The following SGMS2 variants were observed in gnomAD, a reference collection of about 807,000 sequenced individuals.
The protein encoded by SGMS2 is sphingomyelin synthase 2.
Under a neutral mutation model 43.8 loss-of-function variants are expected in SGMS2, and 21 were observed. The ratio of observed to expected loss-of-function variants is 0.48; its 90% CI spans 0.34 to 0.69. SGMS2 has a LOEUF of 0.69. SGMS2 is among the 30% of genes least tolerant of loss of function. SGMS2 has a pLI of 0.01. For missense variants in SGMS2, 384 were observed against 443.2 expected (o/e 0.87, Z 1.20); for synonymous variants, 167 against 160.6 (o/e 1.04, Z -0.30).
chr4:107,856,578 G>C (rs1021170276), intron 1 of SGMS2, among the ~76,000 whole-genome samples: 13 of 152,224 alleles, frequency 8.5e-5, no homozygotes, highest in African/African-American at 2.4e-4. Flanking sequence ...CGTGGAGTGA[G>C]TGGGGATGGT....
At chr4:107,877,919 T>C (rs199981394) in intron 2 of SGMS2, among the ~76,000 whole-genome samples, 15 of 133,586 alleles carry the variant, frequency 1.1e-4, no homozygotes, top group East Asian at 9.8e-4. Flanking sequence ...TTTTCTTTTT[T>C]TTTTTTTTTT....
chr4:107,903,000 C>T (rs2126142111), intron 4 of SGMS2, among the ~76,000 whole-genome samples: 1 of 152,054 alleles, frequency 6.6e-6, no homozygotes, highest in East Asian at 1.9e-4. Flanking sequence ...GACACACCAC[C>T]ACCAAGACAT....
chr4:107,907,664 A>C (rs1279900755), intron 5 of SGMS2, among the ~76,000 whole-genome samples: 1 of 152,222 alleles, frequency 6.6e-6, no homozygotes, highest in Non-Finnish European at 1.5e-5. Context: ...TTTGCTATTC[A>C]ATCATCTTTC....
intron 1 of SGMS2, among the ~76,000 whole-genome samples, chr4:107,831,938 C>G (rs758026564): frequency 2.0e-5 from 3 of 152,172 alleles, no homozygotes; most frequent in Non-Finnish European, 2.9e-5. Context: ...CTGTCCCTCA[C>G]AGAGCTTAGG....
At chr4:107,885,313 A>G (rs958153727) in intron 2 of SGMS2, among the ~76,000 whole-genome samples, 13 of 152,186 alleles carry the variant, frequency 8.5e-5, no homozygotes, top group Non-Finnish European at 1.6e-4. Flanking sequence ...ATACATCACA[A>G]ACATGTTTAA....
At chr4:107,857,780 G>T (rs1727506769) in intron 1 of SGMS2, among the ~76,000 whole-genome samples, 1 of 152,172 alleles carries the variant, frequency 6.6e-6, no homozygotes, top group Non-Finnish European at 1.5e-5. Context: ...ATTATGCACA[G>T]CACATCAACC....
At chr4:107,867,397 T>A (rs1464742116) in intron 2 of SGMS2, 2 of 152,158 alleles carry the variant, frequency 1.3e-5, no homozygotes, top group African/African-American at 2.4e-5. Context: ...GAGGAAGCAG[T>A]GGGGAGATGT....
chr4:107,829,815 T>A (rs1038323227), intron 1 of SGMS2, among the ~76,000 whole-genome samples: 53 of 150,142 alleles, frequency 3.5e-4, no homozygotes, highest in Non-Finnish European at 6.5e-4. Context: ...ACTCAAGCGA[T>A]CCTCCCACCT....
chr4:107,848,146 T>G (rs1726939094), intron 1 of SGMS2, among the ~76,000 whole-genome samples: 1 of 152,218 alleles, frequency 6.6e-6, no homozygotes, highest in African/African-American at 2.4e-5. Context: ...TTCTAGAATT[T>G]CATGTAGTTG....
At chr4:107,836,393 CT>C (rs946732127) in intron 1 of SGMS2, among the ~76,000 whole-genome samples, 1 of 152,192 alleles carries the variant, frequency 6.6e-6, no homozygotes, top group Non-Finnish European at 1.5e-5. Flanking sequence ...GTTCCAGTGT[CT>C]TTTGCAAGTA....
chr4:107,906,896 C>A (rs1353817259), intron 5 of SGMS2, among the ~76,000 whole-genome samples: 4 of 152,114 alleles, frequency 2.6e-5, no homozygotes, highest in Non-Finnish European at 5.9e-5. Context: ...AGGTAAATCC[C>A]AGATGACCTG....
At chr4:107,842,947 A>G (rs6841075) in intron 1 of SGMS2, among the ~76,000 whole-genome samples, 76,197 of 151,548 alleles carry the variant, frequency 0.5, 20,262 homozygotes, top group African/African-American at 0.62. Flanking sequence ...CTTCTAAATG[A>G]ATTAGTAGGA....
intron 5 of SGMS2, among the ~76,000 whole-genome samples, 156 bp downstream of exon 5, chr4:107,903,542 T>C (rs1452121513): frequency 1.3e-5 from 2 of 152,104 alleles, no homozygotes; most frequent in African/African-American, 2.4e-5. Flanking sequence ...TGTGTGTGTG[T>C]GCGTGTGTGT....
intron 1 of SGMS2, among the ~76,000 whole-genome samples, chr4:107,837,987 T>G (rs1431377882): frequency 6.6e-6 from 1 of 152,166 alleles, no homozygotes; most frequent in Middle Eastern, 3.2e-3. Context: ...CCAGTTGTGA[T>G]GCAGAGACCT....
intron 4 of SGMS2, among the ~76,000 whole-genome samples, chr4:107,901,010 A>G (rs1208234622): frequency 6.6e-6 from 1 of 152,210 alleles, no homozygotes; most frequent in Non-Finnish European, 1.5e-5. Flanking sequence ...GGCCACAGAA[A>G]AGAAGGCAAA....
chr4:107,860,895 G>GCC (rs1727694840), intron 2 of SGMS2, among the ~76,000 whole-genome samples: 1 of 152,112 alleles, frequency 6.6e-6, no homozygotes, highest in Non-Finnish European at 1.5e-5. Flanking sequence ...TGGATATTTT[G>GCC]CCAATTCTCA....
At chr4:107,906,213 C>T (rs1231977641) in intron 5 of SGMS2, among the ~76,000 whole-genome samples, 1 of 151,996 alleles carries the variant, frequency 6.6e-6, no homozygotes, top group Non-Finnish European at 1.5e-5. Flanking sequence ...TTTACTTTCC[C>T]GCCTTTTGAT....
chr4:107,874,448 C>G (rs755109544), intron 2 of SGMS2, among the ~76,000 whole-genome samples: 1 of 152,158 alleles, frequency 6.6e-6, no homozygotes, highest in African/African-American at 2.4e-5. Flanking sequence ...TTTACTTGCT[C>G]TAGAGCTAGC....
chr4:107,899,412 G>A (rs531589969), intron 3 of SGMS2, among the ~76,000 whole-genome samples, 163 bp from the exon 4 acceptor site: 38 of 152,024 alleles, frequency 2.5e-4, no homozygotes, highest in Non-Finnish European at 4.6e-4. Flanking sequence ...TGTAGGGATG[G>A]GCAACTCAAA....
Sources: gnomAD v4.1 joint callset for allele counts (sites outside exome capture counted in the v4.1 genomes callset) on GRCh38, gnomAD v4.1.1 for gene constraint, MANE v1.5 for transcripts, NCBI Gene and HGNC (gene_info 2026-07-23, HGNC 2026-07-21) for gene names.